Variants in RUNX2 observed in about 807,000 individuals in gnomAD.
RUNX2 encodes the protein runt-related transcription factor 2.
A neutral mutation model predicts 51.7 loss-of-function variants in RUNX2; 10 were observed. The ratio of observed to expected loss-of-function variants is 0.19; its 90% CI spans 0.12 to 0.33. The LOEUF (loss-of-function observed/expected upper bound fraction) is 0.33. RUNX2 is among the 10% of genes least tolerant of loss of function. The pLI, the probability that RUNX2 is intolerant of heterozygous loss-of-function variation, is 1.00. For synonymous variants in RUNX2, 276 were observed against 273.6 expected, an observed-to-expected ratio of 1.01 and a Z score of -0.09; for missense variants, 562 against 691.3, an observed-to-expected ratio of 0.81 and a Z score of 2.10.
chr6:45,516,948 T>C (rs1411074293), intron 7 of RUNX2, among the ~76,000 whole-genome samples: 2 of 119,702 alleles, frequency 1.7e-5, no homozygotes, highest in African/African-American at 5.6e-5. Context: ...CTTACACAGG[T>C]TTTTTTTTTC....
At chr6:45,409,850 A>G (rs1170023779) in intron 2 of RUNX2, among the ~76,000 whole-genome samples, 2 of 152,234 alleles carry the variant, frequency 1.3e-5, no homozygotes, top group Non-Finnish European at 2.9e-5. Flanking sequence ...GACTAAGACT[A>G]ATCCCTGTTC....
chr6:45,345,757 C>T (rs116690233), intron 2 of RUNX2, among the ~76,000 whole-genome samples: 176 of 152,246 alleles, frequency 1.2e-3, no homozygotes, highest in African/African-American at 4.0e-3. Context: ...CACACCGTAC[C>T]TTTATCTTTC....
chr6:45,484,702 G>T (rs1187651314), intron 5 of RUNX2, among the ~76,000 whole-genome samples: 4 of 152,118 alleles, frequency 2.6e-5, no homozygotes, highest in African/African-American at 9.7e-5. Context: ...GATACAGTAA[G>T]GCTCATCCTT....
At chr6:45,500,887 G>T (rs1800783013) in intron 6 of RUNX2, among the ~76,000 whole-genome samples, 2 of 152,238 alleles carry the variant, frequency 1.3e-5, no homozygotes, top group South Asian at 4.1e-4. Context: ...AGTTTCCCAT[G>T]TGGGGGAATG....
chr6:45,339,430 T>C (rs1214140284), intron 2 of RUNX2, among the ~76,000 whole-genome samples: 1 of 152,190 alleles, frequency 6.6e-6, no homozygotes, highest in Non-Finnish European at 1.5e-5. Flanking sequence ...ATCCAAAATA[T>C]ATTAATTCCA....
chr6:45,371,854 A>T (rs1354465929), intron 2 of RUNX2: 2 of 983,096 alleles, frequency 2.0e-6, no homozygotes, highest in African/African-American at 3.5e-5. Context: ...ACAGTTTGAA[A>T]ATCACTAATT....
chr6:45,356,937 T>C (rs924912622), intron 2 of RUNX2, among the ~76,000 whole-genome samples: 3 of 152,214 alleles, frequency 2.0e-5, no homozygotes, highest in Non-Finnish European at 2.9e-5. Context: ...ATATATAATA[T>C]AGGCATCAAA....
chr6:45,447,143 T>TA (rs2150377748), intron 5 of RUNX2, among the ~76,000 whole-genome samples: 1 of 152,314 alleles, frequency 6.6e-6, no homozygotes, highest in East Asian at 1.9e-4. Flanking sequence ...TTTTGGAAGA[T>TA]AGGGGAGGAG....
intron 7 of RUNX2, among the ~76,000 whole-genome samples, chr6:45,541,160 A>G (rs1234770845): frequency 6.6e-6 from 1 of 150,670 alleles, no homozygotes; most frequent in Non-Finnish European, 1.5e-5. Context: ...CCAACCATGC[A>G]CTGACATTTT....
chr6:45,548,990 A>G lies in RUNX2; in HGVS notation c.*1685A>G. The G allele has an allele frequency of 2.5e-6, 1 of 397,692 alleles. No homozygotes were observed. The highest frequency in any genetic ancestry group is 4.4e-6 in the Non-Finnish European group (1 of 225,786). 24.6% of individuals were successfully genotyped at this position (397,692 alleles called of 1,614,324 possible). A position where few individuals can be genotyped will look rare whatever the true frequency, so the allele number is the denominator to read the frequency against. On this transcript the variant is annotated 3_prime_UTR_variant, in exon 9 of 9. Coordinates refer to ENST00000647337, the MANE Select transcript of RUNX2 (RefSeq NM_001024630.4). ...ACATATGGCCCACGGGGACCTACAG[A>G]CAGCCTTTGACATTTGTATTTCTTA...
At chr6:45,433,107 T>G (rs1303220879) in intron 4 of RUNX2, among the ~76,000 whole-genome samples, 1 of 152,220 alleles carries the variant, frequency 6.6e-6, no homozygotes, top group Admixed American at 6.5e-5. Context: ...GTTAGTTTAC[T>G]TTCTAGGAAC....
At chr6:45,439,326 T>C (rs1005106437) in intron 5 of RUNX2, among the ~76,000 whole-genome samples, 1 of 152,234 alleles carries the variant, frequency 6.6e-6, no homozygotes, top group Non-Finnish European at 1.5e-5. Flanking sequence ...AGGTGATTGC[T>C]GTACACATGT....
At chr6:45,354,986 T>G (rs1054215819) in intron 2 of RUNX2, among the ~76,000 whole-genome samples, 6 of 152,180 alleles carry the variant, frequency 3.9e-5, no homozygotes, top group Admixed American at 2.0e-4. Context: ...CTTTGAGGTT[T>G]TTTTTGGAGA....
chr6:45,455,217 GA>G (rs1799287768), intron 5 of RUNX2, among the ~76,000 whole-genome samples: 1 of 152,262 alleles, frequency 6.6e-6, no homozygotes, highest in Non-Finnish European at 1.5e-5. Flanking sequence ...AACTGCGTTA[GA>G]AAATATTATT....
chr6:45,528,859 C>G (rs1421917373), intron 7 of RUNX2, among the ~76,000 whole-genome samples: 2 of 152,208 alleles, frequency 1.3e-5, no homozygotes, highest in African/African-American at 2.4e-5. Flanking sequence ...AGTCAGTACC[C>G]AAACAGCTTC....
chr6:45,365,356 C>CAAAAA, intron 2 of RUNX2: 1 of 955,102 alleles, frequency 1.0e-6, no homozygotes, highest in Non-Finnish European at 1.5e-6. Flanking sequence ...TAAGTAAATG[C>CAAAAA]AAAAAAAAAA....
chr6:45,414,986 T>C (rs758295160), intron 2 of RUNX2, among the ~76,000 whole-genome samples: 9 of 152,080 alleles, frequency 5.9e-5, no homozygotes, highest in Non-Finnish European at 1.3e-4. Flanking sequence ...CTCTTTAAAA[T>C]ATATGTCCTC....
chr6:45,389,611 T>G (rs1346708096), intron 2 of RUNX2, among the ~76,000 whole-genome samples: 1 of 152,214 alleles, frequency 6.6e-6, no homozygotes, highest in Non-Finnish European at 1.5e-5. Flanking sequence ...AATGGATCAT[T>G]GTAGAGATAC....
intron 2 of RUNX2, among the ~76,000 whole-genome samples, chr6:45,420,710 C>A (rs555584731): frequency 6.6e-6 from 1 of 152,304 alleles, no homozygotes; most frequent in South Asian, 2.1e-4. Flanking sequence ...TAGTACACAA[C>A]GCCGAGGGTA....
Sources: allele counts gnomAD v4.1 joint callset (sites outside exome capture counted in the v4.1 genomes callset), GRCh38; gene constraint gnomAD v4.1.1; transcripts MANE v1.5; gene names NCBI Gene and HGNC (gene_info 2026-07-23, HGNC 2026-07-21).